Variants in PDRG1 observed in about 807,000 individuals in gnomAD.
PDRG1 encodes p53 and DNA damage regulated 1.
A neutral mutation model predicts 18.4 loss-of-function variants in PDRG1; 14 were observed. The observed-to-expected ratio is 0.76, with a 90% CI of 0.50 to 1.19. The LOEUF (loss-of-function observed/expected upper bound fraction) is 1.19. Among genes scored for constraint, PDRG1 ranks in the 50% most tolerant of loss-of-function variants. The probability of loss-of-function intolerance (pLI) is 0.00; values close to 1 mark genes in which losing one functional copy is unlikely to be tolerated. For synonymous variants in PDRG1, 65 were observed against 60.9 expected (o/e 1.07, Z -0.31); for missense variants, 177 against 160.1 (o/e 1.11, Z -0.57).
chr20:31,947,663 T>A (rs6058499), intron 3 of PDRG1, among the ~76,000 whole-genome samples: 1 of 152,020 alleles, frequency 6.6e-6, no homozygotes, highest in Admixed American at 6.5e-5. Flanking sequence ...GAGGCCAAGG[T>A]GGGTGGATCA....
In PDRG1 at chr20:31,945,836, T is replaced by C; in HGVS notation, c.373A>G (p.Lys125Glu). The C allele has an allele frequency of 1.1e-5, 17 of 1,614,004 alleles. No individual in the cohort carries two copies. The highest frequency in any genetic ancestry group is 1.4e-5 in the Non-Finnish European group (17 of 1,179,946). Residue 125 changes from lysine (K) to glutamate (E), a missense_variant, in exon 5 of 5, where the codon AAA becomes GAA. Physicochemically the swap from Lys to Glu is moderately conservative, Grantham distance 56. Transcript: ENST00000202017. ...NLNPLNQDEL[K>E]ALKVILKG ...CCTTTCAAGATGACCTTGAGAGCTT[T>C]AAGCTCATCCTGGTTGAGGGGGTTC...
chr20:31,950,248 G>A, intron 2 of PDRG1, 64 bp downstream of exon 2: 1 of 1,238,920 alleles, frequency 8.1e-7, no homozygotes, highest in Non-Finnish European at 1.2e-6. Flanking sequence ...TCAGGAACAA[G>A]GTAAAGGCCT....
intron 2 of PDRG1, among the ~76,000 whole-genome samples, chr20:31,949,569 C>A (rs2064339438): frequency 6.6e-6 from 1 of 150,396 alleles, no homozygotes; most frequent in Admixed American, 6.7e-5. Flanking sequence ...AAGGCTCTGT[C>A]TCCAAATAAA....
intron 1 of PDRG1, 63 bp downstream of exon 1, chr20:31,951,812 G>A: frequency 6.7e-7 from 1 of 1,498,868 alleles, no homozygotes; most frequent in Non-Finnish European, 8.9e-7. Flanking sequence ...AACTCACTGC[G>A]ACCCCGCGCG....
intron 1 of PDRG1, among the ~76,000 whole-genome samples, chr20:31,950,796 G>A (rs1166852845): frequency 3.3e-5 from 5 of 152,118 alleles, no homozygotes; most frequent in Non-Finnish European, 1.5e-5. Flanking sequence ...TACTAGATTG[G>A]AACAGCAGGA....
chr20:31,945,914 C>T (rs1288210879), intron 4 of PDRG1, 25 bp from the exon 5 acceptor site: 2 of 1,591,608 alleles, frequency 1.3e-6, no homozygotes, highest in African/African-American at 1.3e-5. Context: ...GATCCATCAG[C>T]ACGTCGGGCC....
chr20:31,945,546 A>C lies in PDRG1; in HGVS notation c.*261T>G, dbSNP rs2064309118. The C allele has an allele frequency of 5.0e-6, 2 of 397,072 alleles. No individual in the cohort carries two copies. The highest frequency in any genetic ancestry group is 3.6e-5 in the South Asian group (1 of 27,572). 24.6% of individuals were successfully genotyped at this position (397,072 alleles called of 1,614,324 possible). A position where few individuals can be genotyped will look rare whatever the true frequency, so the allele number is the denominator to read the frequency against. ...CACCCCCACAGCCACTGCCCCACAC[A>C]CCCACTGGTGGCTACCAAGGCCCGT... On this transcript the variant is annotated 3_prime_UTR_variant, in exon 5 of 5. Coordinates refer to ENST00000202017, the MANE Select transcript of PDRG1 (RefSeq NM_030815.3).
chr20:31,950,428 G>T (rs372739505), intron 1 of PDRG1, 41 bp from the exon 2 acceptor site: 106 of 1,482,926 alleles, frequency 7.1e-5, no homozygotes, highest in Non-Finnish European at 9.4e-5. Context: ...GCTATCTCTT[G>T]CCCCAAGCTG....
intron 3 of PDRG1, 73 bp from the exon 4 acceptor site, chr20:31,946,649 A>G: frequency 6.9e-6 from 9 of 1,308,934 alleles, no homozygotes; most frequent in South Asian, 1.2e-5. Context: ...TGGAGAGGCC[A>G]GCCTCTCCCC....
chr20:31,945,350 A>G lies in PDRG1; in HGVS notation c.*457T>C, dbSNP rs914415822. 2 of 153,714 alleles carry G rather than the reference A, an allele frequency of 1.3e-5. No individual in the cohort carries two copies. The highest frequency in any genetic ancestry group is 2.9e-5 in the Non-Finnish European group (2 of 68,812). 9.5% of individuals were successfully genotyped at this position (153,714 alleles called of 1,614,324 possible). ...TCTGTTCTTCATTCAGCAACCACCC[A>G]TGAGCCTCCTGCTTTATTCCAATCG... On this transcript the variant is annotated 3_prime_UTR_variant, in exon 5 of 5. Transcript: ENST00000202017.
In PDRG1 at chr20:31,946,231, A is replaced by G. The variant is rs553409947; in HGVS notation, c.319+265T>C. ...GTCAGAGCTATCTGATCCCCATGCC[A>G]TGCCCCGATGTATAACGTGAGATCA... On this transcript the variant is annotated intron_variant, in intron 4 of 4. Transcript: ENST00000202017. Among the ~76,000 whole-genome samples, 23 of 152,264 alleles carry G rather than the reference A, an allele frequency of 1.5e-4. No individual in the cohort carries two copies. The South Asian group carries it at 4.8e-3, about 32-fold the overall frequency.
rs1329421529 is a variant in PDRG1 at position 31,951,413 on chromosome 20, G to C, written c.87+462C>G. ...CCTTTTAAAACCTAAATCCAATTAC[G>C]TCACCCTCCTTCCCCCAGGAACTCC... is the stretch of plus-strand genomic sequence containing the variant. On this transcript the variant is annotated intron_variant, in intron 1 of 4. Coordinates refer to ENST00000202017, the MANE Select transcript of PDRG1 (RefSeq NM_030815.3). Among the ~76,000 whole-genome samples the C allele has an allele frequency of 2.0e-5, 3 of 151,954 alleles. No homozygotes were observed. In the South Asian group the frequency reaches 6.2e-4, roughly 32 times the overall value.
chr20:31,948,087 T>C (rs1354712985), intron 3 of PDRG1, among the ~76,000 whole-genome samples: 4 of 152,208 alleles, frequency 2.6e-5, no homozygotes, highest in African/African-American at 9.7e-5. Flanking sequence ...TTCCAGATTA[T>C]GGTTGTGGAA....
Position 31,950,402 on chromosome 20 carries a change from G to T in PDRG1, c.88-15C>A. ...AGGTCCACAATCTGAAAACCACAGG[G>T]ACAGGAGGGAACTCAGCTATCTCTT... On this transcript the variant is annotated splice_polypyrimidine_tract_variant and intron_variant, in intron 1 of 4. Coordinates refer to ENST00000202017, the MANE Select transcript of PDRG1 (RefSeq NM_030815.3). 6.3e-7 allele frequency: 1 copy of T among 1,596,560 alleles called. No individual in the cohort carries two copies. The highest frequency in any genetic ancestry group is 8.6e-7 in the Non-Finnish European group (1 of 1,164,052).
At position 31,950,305 on chromosome 20, in the gene PDRG1, A is replaced by C; in HGVS notation, c.163+7T>G. On this transcript the variant is annotated splice_region_variant and intron_variant, in intron 2 of 4. Transcript: ENST00000202017. The stretch of plus-strand genomic sequence containing the variant: ...TCCAGGGCTGCACTGAGAAAATTTC[A>C]ACTTACCAGAGAGGCTGAGATCCTT... 6.3e-7 allele frequency: 1 copy of C among 1,598,466 alleles called. No homozygotes were observed. The highest frequency in any genetic ancestry group is 8.6e-7 in the Non-Finnish European group (1 of 1,165,798).
At chr20:31,946,410 A>G in intron 4 of PDRG1, 86 bp downstream of exon 4, 2 of 1,278,548 alleles carry the variant, frequency 1.6e-6, no homozygotes, top group Non-Finnish European at 2.3e-6. Context: ...CCCATCTCTG[A>G]GGGTCGGACT....
chr20:31,948,663 G>A (rs989262374), intron 3 of PDRG1, 145 bp downstream of exon 3: 5 of 692,970 alleles, frequency 7.2e-6, no homozygotes, highest in African/African-American at 3.6e-5. Flanking sequence ...AGTGGCAGAG[G>A]TGGAATTAAA....
chr20:31,950,226 G>A (rs983882189), intron 2 of PDRG1, 86 bp downstream of exon 2: 2 of 1,070,746 alleles, frequency 1.9e-6, no homozygotes, highest in Non-Finnish European at 2.9e-6. Context: ...GTGACCTCCT[G>A]CCTGATCTCT....
At chr20:31,947,426 G>A (rs1313279494) in intron 3 of PDRG1, among the ~76,000 whole-genome samples, 1 of 152,176 alleles carries the variant, frequency 6.6e-6, no homozygotes, top group East Asian at 1.9e-4. Context: ...GACGACATTT[G>A]GGGGCCAAAA....
Sources: allele counts gnomAD v4.1 joint callset (sites outside exome capture counted in the v4.1 genomes callset), GRCh38; gene constraint gnomAD v4.1.1; transcripts MANE v1.5; gene names NCBI Gene and HGNC (gene_info 2026-07-23, HGNC 2026-07-21).